Variants in PLCB1 observed in about 807,000 individuals in gnomAD.
PLCB1 encodes the protein phospholipase C beta 1, also known as 1-phosphatidylinositol 4,5-bisphosphate phosphodiesterase beta-1.
A neutral mutation model predicts 161.8 loss-of-function variants in PLCB1; 46 were observed. The observed-to-expected ratio is 0.28, with a 90% CI of 0.22 to 0.36. The LOEUF is 0.36. Ranked by LOEUF, PLCB1 falls within the 10% of genes least tolerant of loss-of-function variation. The probability of loss-of-function intolerance (pLI) is 1.00; values close to 1 mark genes in which losing one functional copy is unlikely to be tolerated. For synonymous variants in PLCB1, 517 were observed against 503.7 expected (o/e 1.03, Z -0.35); for missense variants, 1,016 against 1,472.5 (o/e 0.69, Z 5.07).
At chr20:8,704,309 A>G (rs901101243) in intron 11 of PLCB1, among the ~76,000 whole-genome samples, 3 of 152,044 alleles carry the variant, frequency 2.0e-5, no homozygotes, top group Non-Finnish European at 4.4e-5. Context: ...AGCCAAGATC[A>G]TGCTACAGCA....
intron 3 of PLCB1, among the ~76,000 whole-genome samples, chr20:8,398,266 A>C (rs1185368734): frequency 6.6e-6 from 1 of 152,136 alleles, no homozygotes; most frequent in African/African-American, 2.4e-5. Flanking sequence ...TTATACACAC[A>C]TATATGTCTT....
chr20:8,188,561 A>G (rs1329456188), intron 2 of PLCB1, among the ~76,000 whole-genome samples: 2 of 152,188 alleles, frequency 1.3e-5, no homozygotes, highest in Non-Finnish European at 2.9e-5. Flanking sequence ...GGATTGCTAG[A>G]CAGAAGTATG....
chr20:8,589,042 G>A (rs1247485565), intron 3 of PLCB1, among the ~76,000 whole-genome samples: 2 of 152,144 alleles, frequency 1.3e-5, no homozygotes, highest in Non-Finnish European at 2.9e-5. Flanking sequence ...CAGCAAGGGG[G>A]AGAGACTGCA....
chr20:8,436,853 G>A (rs1486185776), intron 3 of PLCB1, among the ~76,000 whole-genome samples: 5 of 151,960 alleles, frequency 3.3e-5, no homozygotes, highest in Non-Finnish European at 5.9e-5. Context: ...GCAGGGGTAC[G>A]ATCTTTGCTC....
At chr20:8,681,086 G>GTGTGTGTGTGTATATATATATATA (rs1394518085) in intron 9 of PLCB1, among the ~76,000 whole-genome samples, 2 of 73,852 alleles carry the variant, frequency 2.7e-5, no homozygotes, top group Admixed American at 1.6e-4. Flanking sequence ...ATGTGTGTGT[G>GTGTGTGTGTGTATATATATATATA]TATATATATA....
intron 3 of PLCB1, among the ~76,000 whole-genome samples, chr20:8,601,945 TTCCC>T (rs1453958743): frequency 6.6e-6 from 1 of 152,186 alleles, no homozygotes; most frequent in African/African-American, 2.4e-5. Flanking sequence ...CCCTTCCTCT[TTCCC>T]TCCCTTGCAG....
chr20:8,297,273 C>T (rs112779612), intron 2 of PLCB1, among the ~76,000 whole-genome samples: 35 of 151,912 alleles, frequency 2.3e-4, no homozygotes, highest in African/African-American at 5.1e-4. Flanking sequence ...TATAAAATTG[C>T]GGATAAGATG....
At chr20:8,351,586 C>G (rs1568642654) in intron 2 of PLCB1, among the ~76,000 whole-genome samples, 1 of 151,928 alleles carries the variant, frequency 6.6e-6, no homozygotes, top group Non-Finnish European at 1.5e-5. Flanking sequence ...ATGGAAATCA[C>G]ATTGTGATAA....
At chr20:8,347,181 T>C (rs1986026709) in intron 2 of PLCB1, among the ~76,000 whole-genome samples, 1 of 152,202 alleles carries the variant, frequency 6.6e-6, no homozygotes, top group Non-Finnish European at 1.5e-5. Context: ...GAAACAAATG[T>C]GGTTTACCTT....
chr20:8,693,096 G>C (rs140416905), intron 10 of PLCB1, among the ~76,000 whole-genome samples: 2 of 152,288 alleles, frequency 1.3e-5, no homozygotes, highest in East Asian at 3.9e-4. Context: ...GTAAGAATGG[G>C]AAGAAATTTA....
intron 3 of PLCB1, among the ~76,000 whole-genome samples, chr20:8,594,425 T>C (rs1241498522): frequency 6.6e-6 from 1 of 151,494 alleles, no homozygotes; most frequent in African/African-American, 2.4e-5. Context: ...ACTCATGTGC[T>C]TGCAAGTCAT....
chr20:8,266,542 A>AG (rs1188553146), intron 2 of PLCB1, among the ~76,000 whole-genome samples: 2 of 152,190 alleles, frequency 1.3e-5, no homozygotes, highest in Admixed American at 1.3e-4. Flanking sequence ...CAAGCGTAGG[A>AG]GGGAGCTACA....
intron 2 of PLCB1, among the ~76,000 whole-genome samples, chr20:8,357,870 C>A (rs532397247): frequency 2.6e-5 from 4 of 152,080 alleles, no homozygotes; most frequent in South Asian, 4.2e-4. Flanking sequence ...TTCTTTCTGG[C>A]AGCATTCTAT....
chr20:8,335,588 T>A (rs1267568342), intron 2 of PLCB1, among the ~76,000 whole-genome samples: 1 of 152,102 alleles, frequency 6.6e-6, no homozygotes, highest in African/African-American at 2.4e-5. Context: ...GTAGATCTGG[T>A]CCCCACCCGT....
intron 3 of PLCB1, among the ~76,000 whole-genome samples, chr20:8,551,304 A>C (rs1985767446): frequency 6.6e-6 from 1 of 152,216 alleles, no homozygotes; most frequent in Non-Finnish European, 1.5e-5. Context: ...AGACTGGCTC[A>C]AAGAGAGCAC....
chr20:8,331,890 C>T (rs943702518), intron 2 of PLCB1, among the ~76,000 whole-genome samples: 5 of 152,164 alleles, frequency 3.3e-5, no homozygotes, highest in Non-Finnish European at 5.9e-5. Flanking sequence ...AGGTAATACA[C>T]ATCAAAGCAG....
intron 2 of PLCB1, among the ~76,000 whole-genome samples, chr20:8,263,686 A>G (rs1981818842): frequency 6.6e-6 from 1 of 152,208 alleles, no homozygotes; most frequent in Non-Finnish European, 1.5e-5. Context: ...TGAATACTGT[A>G]AGCAATTGTA....
intron 26 of PLCB1, among the ~76,000 whole-genome samples, chr20:8,773,799 C>A (rs1982809753): frequency 6.6e-6 from 1 of 152,038 alleles, no homozygotes; most frequent in Admixed American, 6.6e-5. Context: ...CATGGTGAAA[C>A]CTCATCTCTA....
chr20:8,280,407 C>G (rs1444184451), intron 2 of PLCB1, among the ~76,000 whole-genome samples: 1 of 151,424 alleles, frequency 6.6e-6, no homozygotes, highest in Non-Finnish European at 1.5e-5. Flanking sequence ...AATACAAGAA[C>G]TGCATGGTGT....
Sources: allele counts gnomAD v4.1 joint callset (sites outside exome capture counted in the v4.1 genomes callset), GRCh38; gene constraint gnomAD v4.1.1; transcripts MANE v1.5; gene names NCBI Gene and HGNC (gene_info 2026-07-23, HGNC 2026-07-21).